CDH8: variants seen among roughly 807,000 people sequenced by gnomAD.
CDH8 encodes the protein cadherin 8.
Under a neutral mutation model 68.1 loss-of-function variants are expected in CDH8, and 17 were observed. That is an observed-to-expected ratio of 0.25 (90% confidence interval 0.17 to 0.37). The LOEUF (loss-of-function observed/expected upper bound fraction) is 0.37, where lower values mean the gene tolerates loss of function less well. Ranked by LOEUF, CDH8 falls within the 10% of genes least tolerant of loss-of-function variation. The pLI is 1.00. For synonymous variants in CDH8, 372 were observed against 365.1 expected (o/e 1.02, Z -0.21); for missense variants, 763 against 999.3 (o/e 0.76, Z 3.19).
rs1965833759 is a variant in CDH8 at position 61,997,963 on chromosome 16, A to G, written c.252+23189T>C. Reference sequence around the variant, plus strand: ...GTCATCTTGACCTGTACCAAGAAATACAAATATCTATAAACAGCAATTTTA... The same window carrying G: ...GTCATCTTGACCTGTACCAAGAAATGCAAATATCTATAAACAGCAATTTTA... On this transcript the variant is annotated intron_variant, in intron 2 of 11. Coordinates refer to ENST00000577390, the MANE Select transcript of CDH8 (RefSeq NM_001796.5). Among the ~76,000 whole-genome samples the G allele has an allele frequency of 2.6e-5, 4 of 152,226 alleles. No individual in the cohort carries two copies. The South Asian group carries it at 8.3e-4, about 31-fold the overall frequency.
At chr16:61,736,128 G>A (rs955541157) in intron 8 of CDH8, among the ~76,000 whole-genome samples, 17 of 139,350 alleles carry the variant, frequency 1.2e-4, no homozygotes, top group African/African-American at 4.4e-4. Flanking sequence ...AGGAAGGAAG[G>A]AAGGAAGGAA....
intron 2 of CDH8, among the ~76,000 whole-genome samples, chr16:61,995,321 T>G (rs1244359516): frequency 6.6e-6 from 1 of 152,144 alleles, no homozygotes; most frequent in Non-Finnish European, 1.5e-5. Context: ...GATCATCTAA[T>G]TCTCAGATTC....
rs1964044110 is a variant in CDH8, at chr16:61,683,181, GT to G, written c.1655-27461del. Among the ~76,000 whole-genome samples, 7 of 152,014 alleles carry G rather than the reference GT, an allele frequency of 4.6e-5. No individual in the cohort carries two copies. In the South Asian group the frequency reaches 1.4e-3, roughly 31 times the overall value. On this transcript the variant is annotated intron_variant, in intron 10 of 11. Transcript: ENST00000577390. ...ATAGATAACCTCCAATAACATATTT[GT>G]TTTTTACTGCTTTGCAGAGTTGGGC...
chr16:62,001,820 C>T (rs558221488), intron 2 of CDH8, among the ~76,000 whole-genome samples: 1 of 152,222 alleles, frequency 6.6e-6, no homozygotes, highest in East Asian at 1.9e-4. Context: ...ATCCCTTCCC[C>T]CTCGCCCTCC....
chr16:61,987,774 C>G (rs952721506), intron 2 of CDH8, among the ~76,000 whole-genome samples: 20 of 151,514 alleles, frequency 1.3e-4, no homozygotes, highest in Non-Finnish European at 2.9e-4. Flanking sequence ...CTCTGAAAAT[C>G]GTTCATCCGT....
At chr16:61,996,539 C>T (rs898885243) in intron 2 of CDH8, among the ~76,000 whole-genome samples, 8 of 151,912 alleles carry the variant, frequency 5.3e-5, no homozygotes, top group Admixed American at 3.9e-4. Flanking sequence ...CATAAAGCTA[C>T]GGCAGCTTTC....
At chr16:61,682,904 A>G (rs922779984) in intron 10 of CDH8, among the ~76,000 whole-genome samples, 8 of 151,996 alleles carry the variant, frequency 5.3e-5, no homozygotes, top group African/African-American at 1.9e-4. Flanking sequence ...ATCTATAAGG[A>G]CAAAAAGTAG....
chr16:61,850,818 T>C (rs1962923628), intron 4 of CDH8, among the ~76,000 whole-genome samples: 1 of 152,046 alleles, frequency 6.6e-6, no homozygotes, highest in Non-Finnish European at 1.5e-5. Context: ...TTCATACATG[T>C]TTGCTAAGTT....
chr16:61,958,626 TCA>T (rs1272800003), intron 2 of CDH8, among the ~76,000 whole-genome samples: 2 of 152,168 alleles, frequency 1.3e-5, no homozygotes, highest in Admixed American at 1.3e-4. Context: ...GATTTGATCC[TCA>T]GTTTCTTCAT....
chr16:61,918,642 T>A (rs201370391), intron 2 of CDH8: 2 of 153,708 alleles, frequency 1.3e-5, no homozygotes, highest in Admixed American at 6.6e-5. Context: ...AGATTATATC[T>A]GGCACCTGGC....
chr16:61,851,874 G>C (rs903974615), intron 4 of CDH8, among the ~76,000 whole-genome samples: 1 of 151,828 alleles, frequency 6.6e-6, no homozygotes, highest in African/African-American at 2.4e-5. Context: ...GTCATTCCCA[G>C]GTATGAACTA....
chr16:61,706,920 A>G (rs1596885004), intron 10 of CDH8, among the ~76,000 whole-genome samples: 1 of 152,270 alleles, frequency 6.6e-6, no homozygotes, highest in Non-Finnish European at 1.5e-5. Flanking sequence ...TCTCCAGCCA[A>G]ATGAAAAAGA....
At chr16:61,781,695 A>T (rs1567467595) in intron 8 of CDH8, among the ~76,000 whole-genome samples, 1 of 152,158 alleles carries the variant, frequency 6.6e-6, no homozygotes, top group Admixed American at 6.5e-5. Flanking sequence ...AGAAGACTGG[A>T]TTTTTTTGAG....
At chr16:61,759,502 A>G (rs1403332002) in intron 8 of CDH8, among the ~76,000 whole-genome samples, 1 of 152,048 alleles carries the variant, frequency 6.6e-6, no homozygotes, top group Non-Finnish European at 1.5e-5. Flanking sequence ...ATGTGTCTAG[A>G]GTCAAAAGTC....
At chr16:61,876,296 C>G (rs887487577) in intron 3 of CDH8, among the ~76,000 whole-genome samples, 7 of 152,132 alleles carry the variant, frequency 4.6e-5, no homozygotes, top group South Asian at 4.1e-4. Context: ...AATATGTACT[C>G]TGTTAAATAC....
chr16:61,669,544 GTA>G (rs1963749288), intron 10 of CDH8, among the ~76,000 whole-genome samples: 1 of 152,012 alleles, frequency 6.6e-6, no homozygotes, highest in Non-Finnish European at 1.5e-5. Context: ...AGATAGTTCG[GTA>G]AGTGAGGAAA....
chr16:61,867,883 A>T (rs571905294), intron 3 of CDH8, among the ~76,000 whole-genome samples: 2 of 152,122 alleles, frequency 1.3e-5, no homozygotes, highest in African/African-American at 4.8e-5. Flanking sequence ...GTGCATACAG[A>T]TTTTCCCCTT....
intron 7 of CDH8, among the ~76,000 whole-genome samples, chr16:61,799,157 G>A (rs1961562803): frequency 6.6e-6 from 1 of 152,064 alleles, no homozygotes; most frequent in Non-Finnish European, 1.5e-5. Flanking sequence ...GCAATGCCAG[G>A]GGCAATCTAC....
chr16:61,746,084 T>C (rs182700875), intron 8 of CDH8, among the ~76,000 whole-genome samples: 70 of 152,252 alleles, frequency 4.6e-4, no homozygotes, highest in African/African-American at 1.5e-3. Context: ...ACTGCTAAAA[T>C]ATTTGTTTAG....
Sources: gnomAD v4.1 joint callset for allele counts (sites outside exome capture counted in the v4.1 genomes callset) on GRCh38, gnomAD v4.1.1 for gene constraint, MANE v1.5 for transcripts, NCBI Gene and HGNC (gene_info 2026-07-23, HGNC 2026-07-21) for gene names.